PRKCH: variants seen among roughly 807,000 people sequenced by gnomAD.
PRKCH encodes protein kinase C eta type.
A neutral mutation model predicts 82.5 loss-of-function variants in PRKCH; 28 were observed. The observed-to-expected ratio is 0.34, with a 90% CI of 0.25 to 0.47. PRKCH has a LOEUF of 0.47. Ranked by LOEUF, PRKCH falls within the 20% of genes least tolerant of loss-of-function variation. The pLI is 1.00. For missense variants in PRKCH, 705 were observed against 881.8 expected (o/e 0.80, Z 2.54); for synonymous variants, 322 against 327.4 (o/e 0.98, Z 0.18).
At chr14:61,521,104 G>C (rs1228115680) in intron 10 of PRKCH, among the ~76,000 whole-genome samples, 3 of 152,144 alleles carry the variant, frequency 2.0e-5, no homozygotes, top group Non-Finnish European at 4.4e-5. Flanking sequence ...GTTGAGAAAA[G>C]TATTTTACTG....
chr14:61,414,012 G>C (rs1449930091), intron 2 of PRKCH, among the ~76,000 whole-genome samples: 1 of 152,094 alleles, frequency 6.6e-6, no homozygotes, highest in Non-Finnish European at 1.5e-5. Flanking sequence ...CTGAAGTCTG[G>C]ATCATCCCAT....
intron 1 of PRKCH, among the ~76,000 whole-genome samples, chr14:61,383,659 C>T (rs936582002): frequency 2.0e-5 from 3 of 151,640 alleles, no homozygotes; most frequent in Admixed American, 6.6e-5. Context: ...GCAGTTGTCC[C>T]GACCCTGGGA....
At chr14:61,291,456 A>G (rs992020093) in intron 1 of PRKCH, among the ~76,000 whole-genome samples, 8 of 151,530 alleles carry the variant, frequency 5.3e-5, no homozygotes, top group Admixed American at 4.6e-4. Flanking sequence ...CAGCCCCCCA[A>G]GTAGCTGGGA....
At chr14:61,239,398 A>T (rs2044816265) in intron 1 of PRKCH, among the ~76,000 whole-genome samples, 1 of 152,180 alleles carries the variant, frequency 6.6e-6, no homozygotes, top group Non-Finnish European at 1.5e-5. Context: ...GAGGCCTAAA[A>T]TGGCGTCAGC....
In PRKCH at chr14:61,334,759, G is replaced by T. The variant is rs533771188; in HGVS notation, c.363+12295G>T. Among the ~76,000 whole-genome samples the T allele has an allele frequency of 2.6e-5, 4 of 152,244 alleles. No individual in the cohort carries two copies. The South Asian group carries it at 6.2e-4, about 24-fold the overall frequency. ...CTTTTGGAAAATGGTGCTAATGTTT[G>T]CTACCTTATAGGCTTGGTGTGAAGA... On this transcript the variant is annotated intron_variant, in intron 1 of 13. Transcript: ENST00000332981.
intron 4 of PRKCH, among the ~76,000 whole-genome samples, chr14:61,448,388 TC>T (rs1884328385): frequency 6.6e-6 from 1 of 152,244 alleles, no homozygotes; most frequent in African/African-American, 2.4e-5. Context: ...AAAATGTTAT[TC>T]CGAAAGTTCT....
intron 1 of PRKCH, among the ~76,000 whole-genome samples, chr14:61,242,838 T>C (rs2044850648): frequency 6.6e-6 from 1 of 152,242 alleles, no homozygotes; most frequent in South Asian, 2.1e-4. Flanking sequence ...GCACTTTCAG[T>C]AATTTGTTTT....
chr14:61,206,660 G>A (rs2044526679), intron 1 of PRKCH, among the ~76,000 whole-genome samples: 1 of 152,164 alleles, frequency 6.6e-6, no homozygotes, highest in African/African-American at 2.4e-5. Context: ...TTAGAAGCAA[G>A]AGGGCAAATG....
Position 61,280,347 on chromosome 14 carries a change from C to A in PRKCH, c.-19+92679C>A. On this transcript the variant is annotated intron_variant, in intron 1 of 3. Coordinates refer to the PRKCH transcript ENST00000555185. This position sits in a 1 kb window ranked among gnomAD's most constrained non-coding sequence, Gnocchi z 5.0. ...CCGAGTAGTTGCCCTGGCGGATGCGCGCGTACAGTTTGCGGAACGTGGGCA... is the reference window on the plus strand; with the variant it reads ...CCGAGTAGTTGCCCTGGCGGATGCGAGCGTACAGTTTGCGGAACGTGGGCA... 6.2e-7 allele frequency: 1 copy of A among 1,613,956 alleles called. No homozygotes were observed. Among genetic ancestry groups the A allele is most frequent in the Non-Finnish European group, 8.5e-7 (1 of 1,179,944 alleles).
intron 1 of PRKCH, among the ~76,000 whole-genome samples, chr14:61,215,600 A>C (rs561992147): frequency 6.6e-6 from 1 of 152,354 alleles, no homozygotes; most frequent in East Asian, 1.9e-4. Context: ...ATGCTCAATA[A>C]ATATTTATAT....
intron 10 of PRKCH, among the ~76,000 whole-genome samples, chr14:61,509,407 C>T (rs1267810428): frequency 6.6e-6 from 1 of 152,134 alleles, no homozygotes; most frequent in Non-Finnish European, 1.5e-5. Context: ...CCAGGTTCAA[C>T]AGGTCCTGGG....
intron 12 of PRKCH, among the ~76,000 whole-genome samples, chr14:61,547,293 G>T (rs1225339070): frequency 6.6e-6 from 1 of 152,022 alleles, no homozygotes; most frequent in Non-Finnish European, 1.5e-5. Context: ...TCCTCTCTGT[G>T]GTCTCGTCAG....
At chr14:61,539,891 C>G (rs1010825204) in intron 12 of PRKCH, among the ~76,000 whole-genome samples, 3 of 152,246 alleles carry the variant, frequency 2.0e-5, no homozygotes, top group African/African-American at 7.2e-5. Flanking sequence ...AGGGAGCACT[C>G]TCATCACTTA....
At chr14:61,215,587 C>T (rs548365663) in intron 1 of PRKCH, among the ~76,000 whole-genome samples, 1 of 152,116 alleles carries the variant, frequency 6.6e-6, no homozygotes, top group African/African-American at 2.4e-5. Flanking sequence ...CTAACTAATA[C>T]AGATGCTCAA....
At chr14:61,380,447 G>A (rs1433502532) in intron 1 of PRKCH, among the ~76,000 whole-genome samples, 2 of 152,188 alleles carry the variant, frequency 1.3e-5, no homozygotes, top group South Asian at 2.1e-4. Context: ...TATACCAAGA[G>A]TCCTCTCCTG....
chr14:61,284,852 GTAAA>G (rs2045300648), intron 1 of PRKCH, among the ~76,000 whole-genome samples: 1 of 152,050 alleles, frequency 6.6e-6, no homozygotes, highest in South Asian at 2.1e-4. Context: ...CTTTATCCAT[GTAAA>G]TATTTAATTT....
chr14:61,455,073 A>C (rs1022328549), intron 7 of PRKCH, among the ~76,000 whole-genome samples: 3 of 150,124 alleles, frequency 2.0e-5, no homozygotes, highest in Admixed American at 6.6e-5. Flanking sequence ...TCTGTCGCCC[A>C]GGCTGGAGTG....
chr14:61,307,564 G>C (rs1283362074), intron 1 of PRKCH, among the ~76,000 whole-genome samples: 4 of 152,194 alleles, frequency 2.6e-5, no homozygotes, highest in Non-Finnish European at 4.4e-5. Flanking sequence ...AAAACATGCA[G>C]ATACTCAGCT....
At chr14:61,201,322 G>A (rs887665625) in intron 1 of PRKCH, among the ~76,000 whole-genome samples, 1 of 152,072 alleles carries the variant, frequency 6.6e-6, no homozygotes, top group East Asian at 1.9e-4. Flanking sequence ...GAGGCATAGA[G>A]AGATTGAGTA....
Sources: allele counts gnomAD v4.1 joint callset (sites outside exome capture counted in the v4.1 genomes callset), GRCh38; gene constraint gnomAD v4.1.1; non-coding constraint Gnocchi (gnomAD v3.1); transcripts MANE v1.5; gene names NCBI Gene and HGNC (gene_info 2026-07-23, HGNC 2026-07-21).